Variants in MEF2B observed in about 807,000 individuals in gnomAD.
MEF2B encodes the protein myocyte-specific enhancer factor 2B.
Under a neutral mutation model 32.2 loss-of-function variants are expected in MEF2B, and 15 were observed. The observed-to-expected ratio is 0.47, with a 90% CI of 0.31 to 0.72. The LOEUF (loss-of-function observed/expected upper bound fraction) is 0.72, where lower values mean the gene tolerates loss of function less well. MEF2B is among the 30% of genes least tolerant of loss of function. The pLI, the probability that MEF2B is intolerant of heterozygous loss-of-function variation, is 0.05. For synonymous variants in MEF2B, 205 were observed against 225.6 expected, an observed-to-expected ratio of 0.91 and a Z score of 0.82; for missense variants, 441 against 511.5, an observed-to-expected ratio of 0.86 and a Z score of 1.33.
At chr19:19,162,299 A>AT (rs1342026000) in intron 1 of MEF2B, among the ~76,000 whole-genome samples, 2 of 151,744 alleles carry the variant, frequency 1.3e-5, no homozygotes, top group Non-Finnish European at 2.9e-5. Flanking sequence ...TGCCAGGCTA[A>AT]TTTTTTTTAT....
chr19:19,163,572 T>C (rs1599734332), intron 1 of MEF2B, among the ~76,000 whole-genome samples: 1 of 152,288 alleles, frequency 6.6e-6, no homozygotes, highest in East Asian at 1.9e-4. Flanking sequence ...TAGAAGGCCC[T>C]CAATCACCCT....
intron 2 of MEF2B, 28 bp from the exon 3 acceptor site, chr19:19,149,457 G>A: frequency 6.2e-7 from 1 of 1,613,506 alleles, no homozygotes; most frequent in Non-Finnish European, 8.5e-7. Context: ...AGGGGCAGGG[G>A]AGAGAAGAAG....
Position 19,149,265 on chromosome 19 carries a change from G to C in MEF2B, c.219C>G (p.Ser73Arg), listed in dbSNP as rs138206353. 1.2e-6 allele frequency: 2 copies of C among 1,613,914 alleles called. No homozygotes were observed. The highest frequency in any genetic ancestry group is 3.3e-5 in the Admixed American group (2 of 59,982). ...TGTTGGTGCGGCTCTCGTGGGGCTC[G>C]CTGTACTCTGTGTACTTCAGCAGCA... ...DRVLLKYTEY[S>R]EPHESRTNTD... Residue 73 changes from serine (S) to arginine (R), a missense_variant, in exon 3 of 9, where the codon AGC (serine) becomes AGG (arginine). Ser to Arg is a moderately radical substitution (Grantham distance 110). This residue lies in a region of MEF2B where 115 missense variants were observed against 183.1 expected (regional missense o/e 0.63). Transcript: ENST00000424583.
At position 19,146,327 on chromosome 19, in the gene MEF2B, G is replaced by T; in HGVS notation, c.827C>A (p.Ala276Asp). ...ATCACCCCTCGAGGGCTGCCAGGGGGCCAGGGTGGGGGGCTGCAACAAGCC... is the reference window on the plus strand; with the variant it reads ...ATCACCCCTCGAGGGCTGCCAGGGGTCCAGGGTGGGGGGCTGCAACAAGCC... ...PPGLLQPPTL[A>D]PWQPSRGDGP... Residue 276 changes from alanine (A) to aspartate (D), a missense_variant, in exon 8 of 9, where the codon GCC becomes GAC. This residue lies in a region of MEF2B where 326 missense variants were observed against 328.4 expected (regional missense o/e 0.99). Coordinates refer to ENST00000424583, the MANE Select transcript of MEF2B (RefSeq NM_001145785.2). 6 of 1,270,596 alleles carry T rather than the reference G, an allele frequency of 4.7e-6. No homozygotes were observed. Among genetic ancestry groups the T allele is most frequent in the Non-Finnish European group, 6.2e-6 (6 of 975,504 alleles). 78.7% of individuals were successfully genotyped at this position (1,270,596 alleles called of 1,614,324 possible).
intron 1 of MEF2B, among the ~76,000 whole-genome samples, chr19:19,168,750 C>A (rs1405442214): frequency 6.6e-6 from 1 of 151,986 alleles, no homozygotes; most frequent in Non-Finnish European, 1.5e-5. Context: ...TAAGCCACCA[C>A]ACCTGCCTAA....
chr19:19,165,071 G>T (rs950470918), intron 1 of MEF2B, among the ~76,000 whole-genome samples: 10 of 152,152 alleles, frequency 6.6e-5, no homozygotes, highest in African/African-American at 2.4e-4. Context: ...GGGGCTTTAG[G>T]ACACTGTCAG....
chr19:19,165,796 G>C (rs1599736491), intron 1 of MEF2B, among the ~76,000 whole-genome samples: 1 of 152,148 alleles, frequency 6.6e-6, no homozygotes, highest in East Asian at 1.9e-4. Flanking sequence ...TGGAACAGTG[G>C]GCAAGGCAGG....
At chr19:19,148,014 C>T (rs988441899) in intron 3 of MEF2B, among the ~76,000 whole-genome samples, 182 bp from the exon 4 acceptor site, 3 of 152,240 alleles carry the variant, frequency 2.0e-5, no homozygotes, top group Non-Finnish European at 4.4e-5. Context: ...TAGCAGTTTC[C>T]TCCCCTGGGA....
chr19:19,166,077 G>C (rs1757460668), intron 1 of MEF2B, among the ~76,000 whole-genome samples: 1 of 152,082 alleles, frequency 6.6e-6, no homozygotes, highest in African/African-American at 2.4e-5. Flanking sequence ...ACACCCCAGG[G>C]AAGCAGCGAT....
At chr19:19,169,901 C>A (rs2060240120) in intron 1 of MEF2B, among the ~76,000 whole-genome samples, 1 of 152,152 alleles carries the variant, frequency 6.6e-6, no homozygotes, top group Non-Finnish European at 1.5e-5. Flanking sequence ...CATAATAGGG[C>A]CTCACAGCAC....
At chr19:19,149,110 G>T in intron 3 of MEF2B, 116 bp downstream of exon 3, 1 of 1,342,406 alleles carries the variant, frequency 7.4e-7, no homozygotes, top group Non-Finnish European at 1.0e-6. Context: ...AATAAAGCAC[G>T]TCAGCCACAA....
chr19:19,164,376 C>T (rs1200329385), intron 1 of MEF2B, among the ~76,000 whole-genome samples: 3 of 152,338 alleles, frequency 2.0e-5, no homozygotes, highest in African/African-American at 4.8e-5. Flanking sequence ...CACAGCAAAA[C>T]AGCCAATTGG....
At chr19:19,169,519 T>C (rs2060236114) in intron 1 of MEF2B, among the ~76,000 whole-genome samples, 1 of 152,086 alleles carries the variant, frequency 6.6e-6, no homozygotes, top group African/African-American at 2.4e-5. Context: ...TTCTGACTAA[T>C]TGGGTCTGCA....
At chr19:19,165,652 G>A (rs1478128351) in intron 1 of MEF2B, among the ~76,000 whole-genome samples, 1 of 152,154 alleles carries the variant, frequency 6.6e-6, no homozygotes, top group Non-Finnish European at 1.5e-5. Context: ...GGGAGCCATG[G>A]AAGGTGTGTG....
chr19:19,148,192 G>A (rs577675197), intron 3 of MEF2B, among the ~76,000 whole-genome samples: 6 of 152,358 alleles, frequency 3.9e-5, no homozygotes, highest in South Asian at 2.1e-4. Flanking sequence ...GGCCGGGCGC[G>A]GTGGCTCACG....
Position 19,150,777 on chromosome 19 carries a change from G to T in MEF2B, c.-29-13C>A, listed in dbSNP as rs1200049869. 4 of 1,614,100 alleles carry T rather than the reference G, an allele frequency of 2.5e-6. No homozygotes were observed. The highest frequency in any genetic ancestry group is 3.4e-6 in the Non-Finnish European group (4 of 1,179,990). ...GAATGATCTTTGTCTAGGAGGAGAA[G>T]AGGGAGAGGACAGAGTGAGTGGGTG... On this transcript the variant is annotated splice_polypyrimidine_tract_variant and intron_variant, in intron 1 of 8. Coordinates refer to ENST00000424583, the MANE Select transcript of MEF2B (RefSeq NM_001145785.2).
Position 19,150,673 on chromosome 19 carries a change from T to C in MEF2B, c.54+9A>G, listed in dbSNP as rs771249488. On this transcript the variant is annotated intron_variant, in intron 2 of 8. Transcript: ENST00000424583. ...CTTTCCCAGCCACTGTTCCACCCAG[T>C]GAACTCACCTGCCGATTCCTTTGGT... 2 of 1,614,164 alleles carry C rather than the reference T, an allele frequency of 1.2e-6. No homozygotes were observed.
chr19:19,150,268 G>T (rs913072456), intron 2 of MEF2B, among the ~76,000 whole-genome samples: 3 of 151,344 alleles, frequency 2.0e-5, no homozygotes, highest in Non-Finnish European at 4.4e-5. Flanking sequence ...GGTGGCTCAC[G>T]CCTGTAATCC....
In MEF2B at chr19:19,147,052, G is replaced by T. The variant is rs751262978; in HGVS notation, c.525C>A (p.Pro175=). ...SRPSPFRPAA[P]KAGPPGLVHP... ...CATGCTCACCTGGGGGCCCGGCTTT[G>T]GGGGCTGCTGGTCGGAAGGGAGATG... is the stretch of plus-strand genomic sequence containing the variant. The change falls in exon 5 of 9, where the codon CCC becomes CCA. Residue 175 remains proline (P), a synonymous_variant. Transcript: ENST00000424583. The T allele has an allele frequency of 1.9e-6, 3 of 1,604,932 alleles. No individual in the cohort carries two copies. The highest frequency in any genetic ancestry group is 2.2e-4 in the Middle Eastern group (1 of 4,624).
Sources: gnomAD v4.1 joint callset for allele counts (sites outside exome capture counted in the v4.1 genomes callset) on GRCh38, gnomAD v4.1.1 for gene constraint, gnomAD v4.1.1 regional missense constraint, MANE v1.5 for transcripts, NCBI Gene and HGNC (gene_info 2026-07-23, HGNC 2026-07-21) for gene names.